LSM8: variants seen among roughly 807,000 people sequenced by gnomAD.
The protein encoded by LSM8 is LSM8 homolog, U6 small nuclear RNA associated.
Under a neutral mutation model 15.0 loss-of-function variants are expected in LSM8, and 14 were observed. The observed-to-expected ratio is 0.93, with a 90% CI of 0.62 to 1.46. The LOEUF is 1.46. LSM8 is among the 40% of genes most tolerant of loss of function. LSM8 has a pLI of 0.00. For missense variants in LSM8, 90 were observed against 115.4 expected, an observed-to-expected ratio of 0.78 and a Z score of 1.01; for synonymous variants, 50 against 42.1, an observed-to-expected ratio of 1.19 and a Z score of -0.73.
Position 118,199,070 on chromosome 7 carries a change from T to C in LSM8, c.*7068T>C, listed in dbSNP as rs1809127072. Among the ~76,000 whole-genome samples, 1 of 152,192 alleles carries C rather than the reference T, an allele frequency of 6.6e-6. No homozygotes were observed. The highest frequency in any genetic ancestry group is 1.5e-5 in the Non-Finnish European group (1 of 68,036). On this transcript the variant is annotated 3_prime_UTR_variant, in exon 4 of 4. Coordinates refer to ENST00000249299, the MANE Select transcript of LSM8 (RefSeq NM_016200.5). ...TGTGCAGCTCCACTGGGAGAGGACA[T>C]CTTGAAGTTTGTGCCTGGTTTCTCC...
At position 118,191,915 on chromosome 7, in the gene LSM8, A is replaced by G. The variant is rs1283014924; in HGVS notation, c.204A>G (p.Ala68=). The change falls in exon 4 of 4, where the codon GCA becomes GCG. Residue 68 remains alanine (A), a synonymous_variant. Transcript: ENST00000249299. ...GTTTTAACTCTGACTTTTTTAGTGC[A>G]GTCATTGGAGAAATCGATGAAGAAA... ...GLYIVRGDNV[A]VIGEIDEETD... 1 of 1,607,978 alleles carries G rather than the reference A, an allele frequency of 6.2e-7. No individual in the cohort carries two copies. The highest frequency in any genetic ancestry group is 1.3e-5 in the African/African-American group (1 of 74,782).
rs397788277 is a variant in LSM8, at chr7:118,202,763, C to CT, written c.*10762dup. The stretch of plus-strand genomic sequence containing the variant: ...GGGATGGGGTGAACAACCAACAATG[C>CT]TGCCATTGTGCTAGTATAGAAGCAA... On this transcript the variant is annotated 3_prime_UTR_variant, in exon 4 of 4. Transcript: ENST00000249299. Among the ~76,000 whole-genome samples, 2 of 11,978 alleles carry CT rather than the reference C, an allele frequency of 1.7e-4. No homozygotes were observed. The allele number at this position is 11,978 out of a possible 152,430, so 7.9% of individuals were successfully genotyped here. A position where few individuals can be genotyped will look rare whatever the true frequency, so the allele number is the denominator to read the frequency against.
rs1809164746 is a variant in LSM8 at position 118,201,006 on chromosome 7, GT to G, written c.*9005del. 6.6e-6 allele frequency among the ~76,000 whole-genome samples: 1 copy of G among 152,058 alleles called. No homozygotes were observed. Among genetic ancestry groups the G allele is most frequent in the Admixed American group, 6.6e-5 (1 of 15,236 alleles). On this transcript the variant is annotated 3_prime_UTR_variant, in exon 4 of 4. Transcript: ENST00000249299. ...TTTGGTAGCAATTGACTTGAAATTT[GT>G]GATACTTCAACTTGTGCTAGGTTGT...
In LSM8 at chr7:118,198,485, C is replaced by A. The variant is rs563615372; in HGVS notation, c.*6483C>A. On this transcript the variant is annotated 3_prime_UTR_variant, in exon 4 of 4. Transcript: ENST00000249299. The stretch of plus-strand genomic sequence containing the variant: ...TACTGCATGACAGTAACAGAGATGA[C>A]ATGCCCGGTAAACTGGTGTTTGAAG... Among the ~76,000 whole-genome samples, 1 of 152,168 alleles carries A rather than the reference C, an allele frequency of 6.6e-6. No individual in the cohort carries two copies. The highest frequency in any genetic ancestry group is 6.6e-5 in the Admixed American group (1 of 15,266).
chr7:118,196,613 T>C lies in LSM8; in HGVS notation c.*4611T>C, dbSNP rs1809080798. On this transcript the variant is annotated 3_prime_UTR_variant, in exon 4 of 4. Coordinates refer to ENST00000249299, the MANE Select transcript of LSM8 (RefSeq NM_016200.5). ...TTCTTGGTTTTGGCATTAAGTTTTT[T>C]TTTAACTCAATTTTTGTGTTAGTTT... Among the ~76,000 whole-genome samples the C allele has an allele frequency of 6.6e-6, 1 of 151,856 alleles. No homozygotes were observed. The highest frequency in any genetic ancestry group is 2.4e-5 in the African/African-American group (1 of 41,396).
rs2115947467 is a variant in LSM8, at chr7:118,202,398, G to T, written c.*10396G>T. The stretch of plus-strand genomic sequence containing the variant: ...GTTCAGACTGGGGCACCTACTCAAA[G>T]AAGTGACCCAGTACCCAGGCCACTA... On this transcript the variant is annotated 3_prime_UTR_variant, in exon 4 of 4. Transcript: ENST00000249299. Among the ~76,000 whole-genome samples, 1 of 152,036 alleles carries T rather than the reference G, an allele frequency of 6.6e-6. No homozygotes were observed. The highest frequency in any genetic ancestry group is 1.9e-4 in the East Asian group (1 of 5,170).
At position 118,196,757 on chromosome 7, in the gene LSM8, T is replaced by C. The variant is rs1426917793; in HGVS notation, c.*4755T>C. Among the ~76,000 whole-genome samples, 1 of 149,728 alleles carries C rather than the reference T, an allele frequency of 6.7e-6. No individual in the cohort carries two copies. The highest frequency in any genetic ancestry group is 6.7e-5 in the Admixed American group (1 of 14,898). On this transcript the variant is annotated 3_prime_UTR_variant, in exon 4 of 4. Coordinates refer to ENST00000249299, the MANE Select transcript of LSM8 (RefSeq NM_016200.5). Reference sequence around the variant, plus strand: ...ATTTATTTATTTATTTTTGAGACACTTCTTGCTCTTTCGCCAGGCTGGAGT... The same window carrying C: ...ATTTATTTATTTATTTTTGAGACACCTCTTGCTCTTTCGCCAGGCTGGAGT...
intron 2 of LSM8, among the ~76,000 whole-genome samples, chr7:118,186,239 A>T (rs1176347264): frequency 6.6e-6 from 1 of 152,190 alleles, no homozygotes; most frequent in Non-Finnish European, 1.5e-5. Context: ...TTTATGTCAT[A>T]TAACTAAGAT....
chr7:118,198,390 G>C lies in LSM8; in HGVS notation c.*6388G>C, dbSNP rs554691414. Reference sequence around the variant, plus strand: ...TTGGAAGGATAATTTTAGGTCAAATGAAATTCTACATTAAAGAAAGAAGAA... The same window carrying C: ...TTGGAAGGATAATTTTAGGTCAAATCAAATTCTACATTAAAGAAAGAAGAA... On this transcript the variant is annotated 3_prime_UTR_variant, in exon 4 of 4. Transcript: ENST00000249299. Among the ~76,000 whole-genome samples, 17 of 152,256 alleles carry C rather than the reference G, an allele frequency of 1.1e-4. No individual in the cohort carries two copies. The South Asian group carries it at 3.5e-3, about 32-fold the overall frequency.
rs62466516 is a variant in LSM8 at position 118,203,318 on chromosome 7, T to C, written c.*11316T>C. On this transcript the variant is annotated 3_prime_UTR_variant, in exon 4 of 4. Coordinates refer to ENST00000249299, the MANE Select transcript of LSM8 (RefSeq NM_016200.5). ...TAAACCCCTTTTAAAACTCACATAA[T>C]TTTCCCATTTCCCTTGAAGAAGATA... Among the ~76,000 whole-genome samples the C allele has an allele frequency of 0.069, 10,412 of 151,874 alleles. 384 individuals are homozygous for C. Among genetic ancestry groups the C allele is most frequent in the East Asian group, 0.11 (563 of 5,166 alleles).
rs375209133 is a variant in LSM8, at chr7:118,188,131, C to G, written c.73-147C>G. ...GAGGTAAATTGTGTACCCTCGAATA[C>G]TGTTGGTTATAAAAAAGGCATTTTA... On this transcript the variant is annotated intron_variant, in intron 2 of 3. Coordinates refer to ENST00000249299, the MANE Select transcript of LSM8 (RefSeq NM_016200.5). 8.2e-5 allele frequency: 67 copies of G among 817,574 alleles called. 2 individuals are homozygous for G. In the African/African-American group the frequency reaches 1.0e-3, roughly 12 times the overall value. The allele number at this position is 817,574 out of a possible 1,614,324, so 50.6% of individuals were successfully genotyped here. A position where few individuals can be genotyped will look rare whatever the true frequency, so the allele number is the denominator to read the frequency against.
chr7:118,186,436 A>G (rs1349296174), intron 2 of LSM8, among the ~76,000 whole-genome samples: 1 of 151,568 alleles, frequency 6.6e-6, no homozygotes, highest in African/African-American at 2.4e-5. Context: ...TTGATCCCTT[A>G]TTTTTCCATT....
At chr7:118,186,254 C>G (rs944012348) in intron 2 of LSM8, among the ~76,000 whole-genome samples, 1 of 152,064 alleles carries the variant, frequency 6.6e-6, no homozygotes, top group Non-Finnish European at 1.5e-5. Context: ...TAAGATAAAA[C>G]GTTCCTATAG....
chr7:118,188,186 A>G (rs543409649), intron 2 of LSM8, 92 bp from the exon 3 acceptor site: 3 of 1,417,682 alleles, frequency 2.1e-6, no homozygotes, highest in South Asian at 2.3e-5. Context: ...TTGTATTGGA[A>G]TACCTGGCAA....
rs1025434748 is a variant in LSM8, at chr7:118,201,402, A to G, written c.*9400A>G. Among the ~76,000 whole-genome samples the G allele has an allele frequency of 6.6e-6, 1 of 152,098 alleles. No individual in the cohort carries two copies. Among genetic ancestry groups the G allele is most frequent in the African/African-American group, 2.4e-5 (1 of 41,458 alleles). ...ATTTTGGGCCTGATGACATCATTTC[A>G]GCACCTGGATCCAGCGATGCCTAAA... On this transcript the variant is annotated 3_prime_UTR_variant, in exon 4 of 4. Transcript: ENST00000249299.
rs1374368247 is a variant in LSM8 at position 118,195,411 on chromosome 7, A to G, written c.*3409A>G. The stretch of plus-strand genomic sequence containing the variant: ...GGACATAACCGTAAACAGCTATTTA[A>G]TACTATTCCAGGTAGTCAAAGGCCA... On this transcript the variant is annotated 3_prime_UTR_variant, in exon 4 of 4. Coordinates refer to ENST00000249299, the MANE Select transcript of LSM8 (RefSeq NM_016200.5). Among the ~76,000 whole-genome samples, 4 of 152,212 alleles carry G rather than the reference A, an allele frequency of 2.6e-5. No individual in the cohort carries two copies. Among genetic ancestry groups the G allele is most frequent in the African/African-American group, 9.6e-5 (4 of 41,472 alleles).
chr7:118,198,646 A>G lies in LSM8; in HGVS notation c.*6644A>G, dbSNP rs1809120302. Among the ~76,000 whole-genome samples the G allele has an allele frequency of 6.6e-6, 1 of 152,224 alleles. No homozygotes were observed. Among genetic ancestry groups the G allele is most frequent in the African/African-American group, 2.4e-5 (1 of 41,456 alleles). ...CCCTAAGGATAGTAAGGATTTCCAT[A>G]GATGGTTAGGAAAACTTCAAATTGG... On this transcript the variant is annotated 3_prime_UTR_variant, in exon 4 of 4. Transcript: ENST00000249299.
rs1809066975 is a variant in LSM8, at chr7:118,195,731, C to T, written c.*3729C>T. Among the ~76,000 whole-genome samples the T allele has an allele frequency of 6.6e-6, 1 of 151,956 alleles. No homozygotes were observed. ...TTTAATTTTATTAAATTAAATTTTACTTATTTTGGGTTTAAAAAAACTTGG... is the reference window on the plus strand; with the variant it reads ...TTTAATTTTATTAAATTAAATTTTATTTATTTTGGGTTTAAAAAAACTTGG... On this transcript the variant is annotated 3_prime_UTR_variant, in exon 4 of 4. Transcript: ENST00000249299.
rs1429376130 is a variant in LSM8 at position 118,200,233 on chromosome 7, G to T, written c.*8231G>T. 6.6e-6 allele frequency among the ~76,000 whole-genome samples: 1 copy of T among 152,088 alleles called. No individual in the cohort carries two copies. Among genetic ancestry groups the T allele is most frequent in the African/African-American group, 2.4e-5 (1 of 41,426 alleles). The stretch of plus-strand genomic sequence containing the variant: ...TCCAAGTGCACATTATATTGGCTTT[G>T]TAGAGCCATTGGAGGGAGTAATAGT... On this transcript the variant is annotated 3_prime_UTR_variant, in exon 4 of 4. Transcript: ENST00000249299.
Sources: allele counts gnomAD v4.1 joint callset (sites outside exome capture counted in the v4.1 genomes callset), GRCh38; gene constraint gnomAD v4.1.1; transcripts MANE v1.5; gene names NCBI Gene and HGNC (gene_info 2026-07-23, HGNC 2026-07-21).